NCKAP5: variants seen among roughly 807,000 people sequenced by gnomAD.
The protein encoded by NCKAP5 is NCK associated protein 5, also known as nck-associated protein 5.
A neutral mutation model predicts 167.0 loss-of-function variants in NCKAP5; 92 were observed. The ratio of observed to expected loss-of-function variants is 0.55; its 90% confidence interval spans 0.47 to 0.66. The LOEUF (loss-of-function observed/expected upper bound fraction) is 0.66, where lower values mean the gene tolerates loss of function less well. Ranked by LOEUF, NCKAP5 falls within the 30% of genes least tolerant of loss-of-function variation. The pLI is 0.00. For missense variants in NCKAP5, 2,378 were observed against 2,315.0 expected (o/e 1.03, Z -0.56); for synonymous variants, 891 against 877.4 (o/e 1.02, Z -0.27).
intron 7 of NCKAP5, among the ~76,000 whole-genome samples, chr2:132,986,461 A>G (rs1266607406): frequency 6.6e-6 from 1 of 152,162 alleles, no homozygotes; most frequent in Non-Finnish European, 1.5e-5. Flanking sequence ...ATGCCCATAC[A>G]GCAGATTCTG....
intron 6 of NCKAP5, among the ~76,000 whole-genome samples, chr2:133,044,728 A>G: frequency 6.6e-6 from 1 of 152,164 alleles, no homozygotes; most frequent in Non-Finnish European, 1.5e-5. Context: ...ACTTATTTAT[A>G]TGTCCCTGGA....
intron 11 of NCKAP5, among the ~76,000 whole-genome samples, chr2:132,810,745 C>T (rs1685802301): frequency 6.6e-6 from 1 of 152,206 alleles, no homozygotes; most frequent in South Asian, 2.1e-4. Flanking sequence ...AGCTTGGTAA[C>T]TAACCTCCTA....
chr2:132,748,877 G>C (rs1679874931), intron 16 of NCKAP5, among the ~76,000 whole-genome samples: 3 of 151,776 alleles, frequency 2.0e-5, no homozygotes, highest in Non-Finnish European at 4.4e-5. Flanking sequence ...TCCGTCTCCT[G>C]GGTTCAAGCA....
intron 3 of NCKAP5, among the ~76,000 whole-genome samples, chr2:133,477,836 G>A (rs1375301107): frequency 6.6e-6 from 1 of 152,124 alleles, no homozygotes; most frequent in Non-Finnish European, 1.5e-5. Flanking sequence ...GCACATCCTG[G>A]GCAGGATGGT....
At chr2:132,759,314 G>A (rs1036618588) in intron 16 of NCKAP5, among the ~76,000 whole-genome samples, 1 of 152,098 alleles carries the variant, frequency 6.6e-6, no homozygotes, top group African/African-American at 2.4e-5. Context: ...CAATCACTGT[G>A]CTATATATTT....
chr2:133,561,017 T>C (rs1688117547), intron 1 of NCKAP5, among the ~76,000 whole-genome samples: 1 of 152,240 alleles, frequency 6.6e-6, no homozygotes, highest in Admixed American at 6.5e-5. Flanking sequence ...TGATGGCTTA[T>C]TAATGATCTA....
the NCKAP5 span, among the ~76,000 whole-genome samples, chr2:133,597,673 C>CAAAAAAAAAAAAAAAAAAAAAAAAA: frequency 1.6e-5 from 1 of 61,122 alleles, no homozygotes; most frequent in African/African-American, 6.7e-5. Context: ...GACTCTGTCT[C>CAAAAAAAAAAAAAAAAAAAAAAAAA]AAAAAAAAAA....
At chr2:132,924,554 A>G (rs749747808) in intron 8 of NCKAP5, among the ~76,000 whole-genome samples, 4 of 152,270 alleles carry the variant, frequency 2.6e-5, no homozygotes, top group Admixed American at 6.5e-5. Flanking sequence ...TTTTAAAATT[A>G]CATGACATAT....
chr2:132,819,135 C>T (rs1686512518), intron 11 of NCKAP5, among the ~76,000 whole-genome samples: 1 of 152,118 alleles, frequency 6.6e-6, no homozygotes, highest in Admixed American at 6.6e-5. Flanking sequence ...TTATGAACCT[C>T]ACTGCTCCCC....
chr2:133,615,853 T>C, the NCKAP5 span, among the ~76,000 whole-genome samples: 2 of 152,058 alleles, frequency 1.3e-5, no homozygotes. Flanking sequence ...TGTACATTTT[T>C]TTCAGCACCA....
chr2:133,646,098 G>T, the NCKAP5 span, among the ~76,000 whole-genome samples: 1 of 151,770 alleles, frequency 6.6e-6, no homozygotes, highest in African/African-American at 2.4e-5. Context: ...ATGTGTATAG[G>T]TATATAGGCA....
intron 7 of NCKAP5, among the ~76,000 whole-genome samples, chr2:132,991,417 C>T (rs777869652): frequency 6.6e-6 from 1 of 152,170 alleles, no homozygotes; most frequent in Non-Finnish European, 1.5e-5. Context: ...CCTCTGATTA[C>T]CACATAGTGG....
At chr2:132,851,421 T>C (rs1447456725) in intron 11 of NCKAP5, among the ~76,000 whole-genome samples, 1 of 152,160 alleles carries the variant, frequency 6.6e-6, no homozygotes, top group Non-Finnish European at 1.5e-5. Flanking sequence ...AGAATCTTTA[T>C]CTTCATCCCC....
intron 3 of NCKAP5, among the ~76,000 whole-genome samples, chr2:133,477,362 TG>T (rs1680012193): frequency 1.3e-5 from 2 of 152,208 alleles, no homozygotes; most frequent in Admixed American, 6.5e-5. Context: ...AAAATCTTCT[TG>T]GCTGACTTAT....
intron 6 of NCKAP5, among the ~76,000 whole-genome samples, chr2:133,084,522 C>A (rs1252998072): frequency 2.0e-5 from 3 of 152,132 alleles, no homozygotes; most frequent in African/African-American, 7.2e-5. Context: ...GGCTTGATTT[C>A]ATGAATAAAT....
chr2:133,219,826 A>G (rs1438618012), intron 4 of NCKAP5, among the ~76,000 whole-genome samples: 1 of 152,130 alleles, frequency 6.6e-6, no homozygotes, highest in African/African-American at 2.4e-5. Context: ...AACTTCTATG[A>G]TAAAATACTC....
intron 6 of NCKAP5, among the ~76,000 whole-genome samples, chr2:133,069,208 C>T (rs1003633830): frequency 6.6e-6 from 1 of 152,166 alleles, no homozygotes; most frequent in Non-Finnish European, 1.5e-5. Flanking sequence ...ATGTAAAGCA[C>T]TGGAAAATAA....
chr2:132,827,955 A>G (rs1425728605), intron 11 of NCKAP5, among the ~76,000 whole-genome samples: 6 of 152,150 alleles, frequency 3.9e-5, no homozygotes, highest in South Asian at 4.1e-4. Context: ...GTACGATATA[A>G]TAGGTAAAAC....
At chr2:133,367,351 C>G (rs967882705) in intron 3 of NCKAP5, among the ~76,000 whole-genome samples, 1 of 152,122 alleles carries the variant, frequency 6.6e-6, no homozygotes, top group African/African-American at 2.4e-5. Flanking sequence ...GGCTTCCCCT[C>G]CAGTGAGAGT....
Sources: gnomAD v4.1 joint callset for allele counts (sites outside exome capture counted in the v4.1 genomes callset) on GRCh38, gnomAD v4.1.1 for gene constraint, MANE v1.5 for transcripts, NCBI Gene and HGNC (gene_info 2026-07-23, HGNC 2026-07-21) for gene names.